MGAT4D: variants seen among roughly 807,000 people sequenced by gnomAD.
The protein encoded by MGAT4D is MGAT4 family member D.
In MGAT4D, 34 loss-of-function variants were observed where a neutral mutation model predicts 15.9. The ratio of observed to expected loss-of-function variants is 2.14; its 90% CI spans 1.62 to 2.84. The LOEUF (loss-of-function observed/expected upper bound fraction) is 2.84, where lower values mean the gene tolerates loss of function less well. Ranked by LOEUF, MGAT4D falls within the 30% of genes most tolerant of loss-of-function variation. The probability of loss-of-function intolerance (pLI) is 0.00; values close to 1 mark genes in which losing one functional copy is unlikely to be tolerated. For synonymous variants in MGAT4D, 112 were observed against 48.2 expected (o/e 2.33, Z -5.49); for missense variants, 327 against 140.2 (o/e 2.33, Z -6.73).
intron 3 of MGAT4D, 97 bp downstream of exon 3, chr4:140,479,393 A>G: frequency 2.7e-6 from 1 of 369,902 alleles, no homozygotes; most frequent in Non-Finnish European, 4.9e-6. Context: ...TCTGCATATC[A>G]ATCTAAGATA....
intron 9 of MGAT4D, among the ~76,000 whole-genome samples, chr4:140,453,915 T>A (rs1043649019): frequency 6.6e-6 from 1 of 152,158 alleles, no homozygotes; most frequent in East Asian, 1.9e-4. Context: ...GGTTTTCAAC[T>A]TTTCATTGCT....
At chr4:140,489,393 A>G (rs1264022247) in intron 1 of MGAT4D, among the ~76,000 whole-genome samples, 2 of 152,138 alleles carry the variant, frequency 1.3e-5, no homozygotes, top group African/African-American at 4.8e-5. Flanking sequence ...CAAAGCGTAT[A>G]TAAGACAGTT....
rs994782775 is a variant in MGAT4D at position 140,482,399 on chromosome 4, G to A, written c.181C>T (p.Gln61Ter). The change falls in exon 2 of 11, where the codon CAA becomes TAA. Residue 61 changes from glutamine to a stop codon, truncating the protein, a stop_gained. Coordinates refer to ENST00000511113, the MANE Select transcript of MGAT4D (RefSeq NM_001277353.2). LOFTEE classifies it high-confidence loss of function. ...CGATTCAAAACTTTCATCATCTCTT[G>A]GGTATTTTTTTCAGTTTTGTTTCTT... ...HLRNKTEKNT[Q>*]EMMKVLNRMK... 4 of 646,126 alleles carry A rather than the reference G, an allele frequency of 6.2e-6. No homozygotes were observed. Among genetic ancestry groups the A allele is most frequent in the Middle Eastern group, 2.4e-4 (1 of 4,170 alleles). 40.0% of individuals were successfully genotyped at this position (646,126 alleles called of 1,614,324 possible). A position where few individuals can be genotyped will look rare whatever the true frequency, so the allele number is the denominator to read the frequency against.
At chr4:140,480,966 A>G (rs1275666596) in intron 2 of MGAT4D, among the ~76,000 whole-genome samples, 3 of 152,114 alleles carry the variant, frequency 2.0e-5, no homozygotes, top group Non-Finnish European at 4.4e-5. Flanking sequence ...AAAATGTTCA[A>G]CATCATTAGT....
chr4:140,497,277 T>A (rs1176237830), intron 1 of MGAT4D, among the ~76,000 whole-genome samples: 1 of 152,074 alleles, frequency 6.6e-6, no homozygotes, highest in Non-Finnish European at 1.5e-5. Context: ...GGTTCCTAAG[T>A]CTTAAACTGA....
At chr4:140,444,849 T>C (rs1247300792) in intron 10 of MGAT4D, among the ~76,000 whole-genome samples, 4 of 151,878 alleles carry the variant, frequency 2.6e-5, no homozygotes, top group African/African-American at 7.3e-5. Context: ...AAGTGTTCTT[T>C]TTTCTCTGCA....
intron 10 of MGAT4D, among the ~76,000 whole-genome samples, chr4:140,443,995 CA>C (rs1323387145): frequency 6.6e-6 from 1 of 152,064 alleles, no homozygotes; most frequent in African/African-American, 2.4e-5. Context: ...AAAAACCCCA[CA>C]CAAAACCAAA....
intron 1 of MGAT4D, among the ~76,000 whole-genome samples, chr4:140,492,582 T>G (rs1733572581): frequency 6.6e-6 from 1 of 150,880 alleles, no homozygotes. Context: ...GAGCCAAGAT[T>G]GCACCACCGC....
At chr4:140,446,281 G>A (rs939850909) in intron 10 of MGAT4D, among the ~76,000 whole-genome samples, 1 of 152,144 alleles carries the variant, frequency 6.6e-6, no homozygotes, top group Non-Finnish European at 1.5e-5. Flanking sequence ...GAATTTGGCT[G>A]TGAATCTGTC....
intron 1 of MGAT4D, among the ~76,000 whole-genome samples, chr4:140,493,722 C>T (rs892050844): frequency 6.6e-6 from 1 of 152,072 alleles, no homozygotes; most frequent in African/African-American, 2.4e-5. Flanking sequence ...CTTTATAGGC[C>T]CCTCTAAATT....
In MGAT4D at chr4:140,497,997, A is replaced by G. The variant is rs974702598; in HGVS notation, c.94+132T>C. 1.5e-5 allele frequency: 8 copies of G among 536,554 alleles called. No homozygotes were observed. In the Admixed American group the frequency reaches 2.7e-4, roughly 18 times the overall value. The allele number at this position is 536,554 out of a possible 1,614,324, so 33.2% of individuals were successfully genotyped here. ...GGGAAGGCACCGACGCGGGCCTCCCAGTGCCAGCGCGGGCGGCCGCCGCCA... is the reference window on the plus strand; with the variant it reads ...GGGAAGGCACCGACGCGGGCCTCCCGGTGCCAGCGCGGGCGGCCGCCGCCA... On this transcript the variant is annotated intron_variant, in intron 1 of 10. Coordinates refer to ENST00000511113, the MANE Select transcript of MGAT4D (RefSeq NM_001277353.2).
chr4:140,454,005 A>G (rs1730635121), intron 9 of MGAT4D, among the ~76,000 whole-genome samples: 2 of 144,560 alleles, frequency 1.4e-5, no homozygotes, highest in South Asian at 4.6e-4. Context: ...TATCAGTTCT[A>G]GGATGTATGT....
At chr4:140,463,900 A>G (rs1038836752) in intron 6 of MGAT4D, among the ~76,000 whole-genome samples, 5 of 152,192 alleles carry the variant, frequency 3.3e-5, no homozygotes, top group Non-Finnish European at 5.9e-5. Flanking sequence ...AGCATGAAGA[A>G]TGAATTGTAA....
At position 140,492,594 on chromosome 4, in the gene MGAT4D, C is replaced by T. The variant is rs191791290; in HGVS notation, c.94+5535G>A. ...AGTGAGCCAAGATTGCACCACCGCC[C>T]TCTAGCCTGGATGACAGAGCAAGAC... On this transcript the variant is annotated intron_variant, in intron 1 of 10. Transcript: ENST00000511113. Among the ~76,000 whole-genome samples the T allele has an allele frequency of 2.0e-3, 308 of 151,306 alleles. 1 individual carries two copies. Among genetic ancestry groups the T allele is most frequent in the Non-Finnish European group, 2.5e-3 (168 of 67,914 alleles).
chr4:140,451,342 T>C, intron 10 of MGAT4D, 68 bp downstream of exon 10: 1 of 475,680 alleles, frequency 2.1e-6, no homozygotes, highest in East Asian at 3.2e-5. Context: ...CACCACTTCT[T>C]TTCTAAATAG....
intron 1 of MGAT4D, among the ~76,000 whole-genome samples, 190 bp downstream of exon 1, chr4:140,497,939 C>A (rs1348585726): frequency 1.3e-5 from 2 of 152,162 alleles, no homozygotes; most frequent in Non-Finnish European, 2.9e-5. Flanking sequence ...GGGTTACAGC[C>A]CAGCCGCCGC....
chr4:140,456,139 A>G (rs952774319), intron 9 of MGAT4D, among the ~76,000 whole-genome samples: 1 of 152,200 alleles, frequency 6.6e-6, no homozygotes, highest in Non-Finnish European at 1.5e-5. Context: ...CTCAATAAAT[A>G]AATAAATAGC....
At chr4:140,461,624 AT>A (rs1271766944) in intron 7 of MGAT4D, among the ~76,000 whole-genome samples, 3 of 152,084 alleles carry the variant, frequency 2.0e-5, no homozygotes, top group African/African-American at 7.2e-5. Context: ...TAGGCATACA[AT>A]TTCGTTTTTT....
intron 1 of MGAT4D, among the ~76,000 whole-genome samples, chr4:140,489,559 C>T (rs1164609665): frequency 1.3e-5 from 2 of 152,070 alleles, no homozygotes; most frequent in Non-Finnish European, 2.9e-5. Flanking sequence ...TATTGCTTTC[C>T]TTTACAGTTT....
Sources: allele counts gnomAD v4.1 joint callset (sites outside exome capture counted in the v4.1 genomes callset), GRCh38; gene constraint gnomAD v4.1.1; transcripts MANE v1.5; gene names NCBI Gene and HGNC (gene_info 2026-07-23, HGNC 2026-07-21).